The following ADCY4 variants were observed in gnomAD, a reference collection of about 807,000 sequenced individuals.
ADCY4 encodes the protein adenylate cyclase 4.
ADCY4 carries 111 observed loss-of-function variants against 125.5 expected under a neutral mutation model. That is an observed-to-expected ratio of 0.88 (90% CI 0.76 to 1.04). ADCY4 has a LOEUF of 1.04. ADCY4 is among the 50% of genes least tolerant of loss of function. The pLI, the probability that ADCY4 is intolerant of heterozygous loss-of-function variation, is 0.00. For synonymous variants in ADCY4, 576 were observed against 586.9 expected, an observed-to-expected ratio of 0.98 and a Z score of 0.27; for missense variants, 1,256 against 1,382.9, an observed-to-expected ratio of 0.91 and a Z score of 1.46.
intron 10 of ADCY4, among the ~76,000 whole-genome samples, chr14:24,326,670 C>T (rs1232373448): frequency 6.7e-6 from 1 of 150,330 alleles, no homozygotes; most frequent in Admixed American, 6.6e-5. Context: ...CTCGGCTCAC[C>T]ACAACTTCCA....
chr14:24,334,671 C>A lies in ADCY4; in HGVS notation c.-19G>T. On this transcript the variant is annotated 5_prime_UTR_variant, in exon 1 of 25. Coordinates refer to ENST00000418030, the MANE Select transcript of ADCY4 (RefSeq NM_001198568.2). The stretch of plus-strand genomic sequence containing the variant: ...GGGCCATGATCTCCCCAGCCCCGAG[C>A]CCCGGGGCTGGCTAGGGCCGGGCGC... The A allele has an allele frequency of 6.6e-7, 1 of 1,524,908 alleles. No homozygotes were observed. The highest frequency in any genetic ancestry group is 8.8e-7 in the Non-Finnish European group (1 of 1,138,162). 94.5% of individuals were successfully genotyped at this position (1,524,908 alleles called of 1,614,324 possible).
chr14:24,325,517 A>G, intron 13 of ADCY4, 43 bp from the exon 14 acceptor site: 1 of 1,541,920 alleles, frequency 6.5e-7, no homozygotes, highest in South Asian at 1.1e-5. Context: ...GTCCAGTGCT[A>G]CCCATCACCT....
intron 20 of ADCY4, among the ~76,000 whole-genome samples, chr14:24,321,284 G>T (rs892079130): frequency 2.0e-5 from 3 of 151,676 alleles, no homozygotes; most frequent in Non-Finnish European, 4.4e-5. Flanking sequence ...AGCCAGGCAT[G>T]GTGGCAGGCG....
chr14:24,319,906 T>C lies in ADCY4; in HGVS notation c.2587-18A>G, dbSNP rs1035413376. ...TAGAGATCCTGGGGGAACAGGAGAC[T>C]GGAGTGAGGGGTGTGTGTCATGTTC... On this transcript the variant is annotated intron_variant, in intron 20 of 24. Transcript: ENST00000418030. This position sits in a 1 kb window ranked among gnomAD's most constrained non-coding sequence, Gnocchi z 4.5. 2.5e-6 allele frequency: 4 copies of C among 1,611,586 alleles called. No homozygotes were observed. The highest frequency in any genetic ancestry group is 3.4e-6 in the Non-Finnish European group (4 of 1,179,696).
rs768451346 is a variant in ADCY4 at position 24,331,784 on chromosome 14, T to TGACCTGGTGCTTCTTCTCGGTGTCCAGCC, written c.644_669+3dup. 112 of 1,574,470 alleles carry TGACCTGGTGCTTCTTCTCGGTGTCCAGCC rather than the reference T, an allele frequency of 7.1e-5. No homozygotes were observed. The highest frequency in any genetic ancestry group is 8.6e-5 in the Non-Finnish European group (99 of 1,153,928). On this transcript the variant is annotated splice_donor_region_variant and intron_variant, in intron 4 of 24. Coordinates refer to ENST00000418030, the MANE Select transcript of ADCY4 (RefSeq NM_001198568.2). ...CTGCTCTGACCTTCCTAGGCCCGGC[T>TGACCTGGTGCTTCTTCTCGGTGTCCAGCC]GACCTGGTGCTTCTTCTCGGTGTCC...
In ADCY4 at chr14:24,323,036, T is replaced by C. The variant is rs374483732; in HGVS notation, c.2210A>G (p.His737Arg). The C allele has an allele frequency of 8.8e-5, 142 of 1,613,946 alleles. No individual in the cohort carries two copies. Among genetic ancestry groups the C allele is most frequent in the Non-Finnish European group, 1.1e-4 (135 of 1,179,988 alleles). ...LGFLSCSLFL[H>R]MSFELKLLLL... is the part of the protein sequence containing the mutation. ...CAGCAGCTTCAGCTCGAAGCTCATGTGCAGAAAGAGGGAGCAGGAGAGGAA... is the reference window on the plus strand; with the variant it reads ...CAGCAGCTTCAGCTCGAAGCTCATGCGCAGAAAGAGGGAGCAGGAGAGGAA... The change falls in exon 18 of 25, where the codon CAC becomes CGC. Residue 737 changes from histidine to arginine, a missense_variant. Physicochemically the swap from His to Arg is conservative, Grantham distance 29. Transcript: ENST00000418030.
Position 24,325,877 on chromosome 14 carries a change from G to A in ADCY4, c.1666C>T (p.Gln556Ter), listed in dbSNP as rs1395770429. The A allele has an allele frequency of 6.3e-7, 1 of 1,593,058 alleles. No individual in the cohort carries two copies. Among genetic ancestry groups the A allele is most frequent in the Admixed American group, 1.7e-5 (1 of 57,404 alleles). The change falls in exon 13 of 25, where the codon CAG becomes TAG. Residue 556 changes from glutamine to a stop codon, truncating the protein, a stop_gained. Coordinates refer to ENST00000418030, the MANE Select transcript of ADCY4 (RefSeq NM_001198568.2). LOFTEE classifies it high-confidence loss of function. ...EQLNSQKQWK[Q>*]SKDFNPLTLY... The stretch of plus-strand genomic sequence containing the variant: ...GTCAGTGGGTTGAAGTCCTTCGACT[G>A]CTTCCACTGTCTGGTGGGAGGTGGG...
Position 24,334,743 on chromosome 14 carries a change from C to G in ADCY4, c.-91G>C, listed in dbSNP as rs1212312992. The G allele has an allele frequency of 4.2e-5, 45 of 1,070,250 alleles. No homozygotes were observed. The highest frequency in any genetic ancestry group is 5.3e-5 in the Non-Finnish European group (41 of 772,996). The allele number at this position is 1,070,250 out of a possible 1,614,324, so 66.3% of individuals were successfully genotyped here. A position where few individuals can be genotyped will look rare whatever the true frequency, so the allele number is the denominator to read the frequency against. On this transcript the variant is annotated 5_prime_UTR_variant, in exon 1 of 25. Transcript: ENST00000418030. ...GCGGGCCCCACCTGAGCTTTTCTCA[C>G]CCGCTCAAAGCCGCTACCACCCCGC...
At chr14:24,326,571 TTGTGTGTGTGTGTGTGTGTGTG>T (rs71119070) in intron 10 of ADCY4, 71 of 278,158 alleles carry the variant, frequency 2.6e-4, no homozygotes, top group South Asian at 5.2e-4. Flanking sequence ...CCCAGGATCT[TTGTGTGTGTGTGTGTGTGTGTG>T]TGTGTGTGTG....
At chr14:24,330,912 A>G in intron 6 of ADCY4, 106 bp downstream of exon 6, 1 of 979,358 alleles carries the variant, frequency 1.0e-6, no homozygotes, top group Non-Finnish European at 1.5e-6. Flanking sequence ...GCCTGCATGC[A>G]CTGAAGTGGG....
intron 14 of ADCY4, 142 bp from the exon 15 acceptor site, chr14:24,324,533 G>A: frequency 1.1e-6 from 1 of 928,776 alleles, no homozygotes; most frequent in Non-Finnish European, 1.7e-6. Context: ...CCGGCTGATA[G>A]AAGACATTGC....
At chr14:24,333,066 G>T in intron 1 of ADCY4, 78 bp from the exon 2 acceptor site, 1 of 1,390,212 alleles carries the variant, frequency 7.2e-7, no homozygotes, top group Non-Finnish European at 9.5e-7. Context: ...CAGCAGCCCA[G>T]CCCCTCAGCC....
chr14:24,319,855 C>T lies in ADCY4; in HGVS notation c.2620G>A (p.Val874Ile), dbSNP rs1321145747. Residue 874 changes from valine (V) to isoleucine (I), a missense_variant, in exon 21 of 25, where the codon GTC becomes ATC. Coordinates refer to ENST00000418030, the MANE Select transcript of ADCY4 (RefSeq NM_001198568.2). This position sits in a 1 kb window ranked among gnomAD's most constrained non-coding sequence, Gnocchi z 4.5. ...AAGTCTGGGACTGAGGCGAAGAGGA[C>T]ACAAACGCATTCATAGGACTGGTGG... The part of the protein sequence containing the change: ...LYHQSYECVC[V>I]LFASVPDFKE... 6.2e-7 allele frequency: 1 copy of T among 1,613,942 alleles called. No individual in the cohort carries two copies. The highest frequency in any genetic ancestry group is 1.1e-5 in the South Asian group (1 of 91,076).
chr14:24,326,569 C>CTT (rs1349519204), intron 10 of ADCY4: 5 of 511,770 alleles, frequency 9.8e-6, no homozygotes, highest in African/African-American at 4.5e-5. Flanking sequence ...CTCCCAGGAT[C>CTT]TTTGTGTGTG....
chr14:24,323,145 C>T (rs1177035886), intron 17 of ADCY4, 57 bp from the exon 18 acceptor site: 2 of 1,571,056 alleles, frequency 1.3e-6, no homozygotes, highest in East Asian at 2.3e-5. Context: ...AGGGGGGACA[C>T]CTGAGGGCTC....
At chr14:24,331,614 G>A in intron 4 of ADCY4, 174 bp downstream of exon 4, 1 of 1,078,150 alleles carries the variant, frequency 9.3e-7, no homozygotes, top group East Asian at 2.6e-5. Context: ...TATAAGCTTT[G>A]GTTTGTTTGA....
intron 23 of ADCY4, 156 bp from the exon 24 acceptor site, chr14:24,318,934 G>A: frequency 1.4e-6 from 2 of 1,393,156 alleles, no homozygotes; most frequent in Non-Finnish European, 2.0e-6. Flanking sequence ...AAGAGTGGGA[G>A]AGCCTCGTAC....
intron 4 of ADCY4, 52 bp from the exon 5 acceptor site, chr14:24,331,408 G>A (rs1238953673): frequency 6.2e-7 from 1 of 1,604,136 alleles, no homozygotes; most frequent in African/African-American, 1.3e-5. Flanking sequence ...AAGCCAGGAG[G>A]CCCTGTCCCC....
intron 10 of ADCY4, 84 bp from the exon 11 acceptor site, chr14:24,326,426 A>C: frequency 6.6e-7 from 1 of 1,517,902 alleles, no homozygotes; most frequent in Non-Finnish European, 9.1e-7. Context: ...TGCATGCTCT[A>C]TACATGTCTT....
Sources: allele counts gnomAD v4.1 joint callset (sites outside exome capture counted in the v4.1 genomes callset), GRCh38; gene constraint gnomAD v4.1.1; non-coding constraint Gnocchi (gnomAD v3.1); transcripts MANE v1.5; gene names NCBI Gene and HGNC (gene_info 2026-07-23, HGNC 2026-07-21).